The following ANKS1B variants were observed in gnomAD, a reference collection of about 807,000 sequenced individuals.
The protein encoded by ANKS1B is ankyrin repeat and sterile alpha motif domain containing 1B, also known as ankyrin repeat and sterile alpha motif domain-containing protein 1B.
A neutral mutation model predicts 148.3 loss-of-function variants in ANKS1B; 36 were observed. That is an observed-to-expected ratio of 0.24 (90% CI 0.19 to 0.32). The LOEUF is 0.32. ANKS1B is among the 10% of genes least tolerant of loss of function. The pLI, the probability that ANKS1B is intolerant of heterozygous loss-of-function variation, is 1.00. For missense variants in ANKS1B, 1,157 were observed against 1,542.6 expected, an observed-to-expected ratio of 0.75 and a Z score of 4.19; for synonymous variants, 542 against 560.8, an observed-to-expected ratio of 0.97 and a Z score of 0.47.
At chr12:99,612,803 T>TA (rs918335834) in intron 9 of ANKS1B, among the ~76,000 whole-genome samples, 4 of 152,192 alleles carry the variant, frequency 2.6e-5, no homozygotes, top group African/African-American at 7.2e-5. Context: ...TTGCGTAAGT[T>TA]AAAAAAACTG....
intron 15 of ANKS1B, among the ~76,000 whole-genome samples, chr12:99,102,933 C>G (rs4762558): frequency 0.85 from 129,174 of 151,582 alleles, 55,588 homozygotes; most frequent in East Asian, 1. Flanking sequence ...GTTTTGAAAA[C>G]ATAACGCTCA....
intron 17 of ANKS1B, among the ~76,000 whole-genome samples, chr12:98,845,035 C>A (rs967502949): frequency 3.3e-5 from 5 of 151,968 alleles, no homozygotes; most frequent in African/African-American, 1.2e-4. Flanking sequence ...TATGGCTGTG[C>A]CACAGTTCAA....
At chr12:99,796,382 AC>A (rs1179822967) in intron 4 of ANKS1B, among the ~76,000 whole-genome samples, 14 of 152,038 alleles carry the variant, frequency 9.2e-5, no homozygotes, top group African/African-American at 3.4e-4. Flanking sequence ...AGAAAACTAA[AC>A]ATCAGATAAA....
At chr12:98,839,822 T>C (rs1396103567) in intron 17 of ANKS1B, among the ~76,000 whole-genome samples, 1 of 152,218 alleles carries the variant, frequency 6.6e-6, no homozygotes, top group Non-Finnish European at 1.5e-5. Context: ...CTTGCTCACC[T>C]TGGATTACAT....
intron 11 of ANKS1B, among the ~76,000 whole-genome samples, chr12:99,442,253 C>T (rs953912461): frequency 3.3e-5 from 5 of 151,896 alleles, no homozygotes; most frequent in Non-Finnish European, 7.4e-5. Flanking sequence ...TGGTCTAGAA[C>T]TCCTGGGCTC....
chr12:99,064,901 T>G (rs923169400), intron 16 of ANKS1B, among the ~76,000 whole-genome samples: 3 of 152,234 alleles, frequency 2.0e-5, no homozygotes, highest in Admixed American at 2.0e-4. Flanking sequence ...TACCATCTTT[T>G]CATTTCTAAA....
chr12:98,852,656 G>C lies in ANKS1B; in HGVS notation c.2779-20520C>G, dbSNP rs2099536446. Among the ~76,000 whole-genome samples, 4 of 152,160 alleles carry C rather than the reference G, an allele frequency of 2.6e-5. 1 individual carries two copies. The South Asian group carries it at 8.3e-4, about 32-fold the overall frequency. On this transcript the variant is annotated intron_variant, in intron 17 of 26. Transcript: ENST00000683438. The stretch of plus-strand genomic sequence containing the variant: ...TTTGATATTGTTATCCCTGTTTACA[G>C]GTGGGGAAACTGGGGCTCAAGATGA...
At chr12:99,594,729 G>T (rs1452767985) in intron 9 of ANKS1B, among the ~76,000 whole-genome samples, 2 of 151,938 alleles carry the variant, frequency 1.3e-5, no homozygotes. Flanking sequence ...GGAAGAAATG[G>T]GGAGTTGCTA....
intron 8 of ANKS1B, among the ~76,000 whole-genome samples, chr12:99,679,398 C>T (rs1371849545): frequency 6.6e-6 from 1 of 152,154 alleles, no homozygotes; most frequent in African/African-American, 2.4e-5. Flanking sequence ...AACCTCCACC[C>T]CCAGGCTCAA....
intron 12 of ANKS1B, among the ~76,000 whole-genome samples, chr12:99,345,248 C>T (rs1592743880): frequency 1.3e-5 from 2 of 152,160 alleles, no homozygotes; most frequent in East Asian, 3.9e-4. Flanking sequence ...CGTCAGTGGA[C>T]AAGATCTAGA....
intron 12 of ANKS1B, among the ~76,000 whole-genome samples, chr12:99,315,125 C>G (rs1471087515): frequency 1.3e-5 from 2 of 151,836 alleles, no homozygotes; most frequent in Non-Finnish European, 2.9e-5. Context: ...TGCCTGTAGT[C>G]CCAGCTACTC....
At chr12:99,508,826 T>A (rs377578203) in intron 9 of ANKS1B, among the ~76,000 whole-genome samples, 1 of 151,906 alleles carries the variant, frequency 6.6e-6, no homozygotes, top group African/African-American at 2.4e-5. Flanking sequence ...TCCATATATA[T>A]GTCTATTCTA....
At chr12:99,523,854 T>C (rs1044662134) in intron 9 of ANKS1B, among the ~76,000 whole-genome samples, 9 of 152,198 alleles carry the variant, frequency 5.9e-5, no homozygotes, top group African/African-American at 2.2e-4. Context: ...ACCCAGCCTA[T>C]ACAAGGTATC....
intron 8 of ANKS1B, among the ~76,000 whole-genome samples, chr12:99,744,143 A>C (rs1367199380): frequency 1.3e-5 from 2 of 152,206 alleles, no homozygotes; most frequent in Non-Finnish European, 2.9e-5. Flanking sequence ...TATCTGGAAC[A>C]TACAGATTAA....
chr12:99,854,790 C>T (rs937033511), intron 1 of ANKS1B, among the ~76,000 whole-genome samples: 1 of 151,954 alleles, frequency 6.6e-6, no homozygotes, highest in African/African-American at 2.4e-5. Context: ...TTGCATCCAG[C>T]AAAAGTAAGC....
At chr12:99,644,700 T>G (rs947362732) in intron 9 of ANKS1B, among the ~76,000 whole-genome samples, 3 of 152,180 alleles carry the variant, frequency 2.0e-5, no homozygotes, top group Admixed American at 6.5e-5. Flanking sequence ...CATTACAAAT[T>G]ACCACAAACT....
intron 14 of ANKS1B, among the ~76,000 whole-genome samples, chr12:99,213,590 T>G (rs1353882696): frequency 1.3e-5 from 2 of 152,204 alleles, no homozygotes; most frequent in African/African-American, 4.8e-5. Flanking sequence ...GATGTGTATA[T>G]GGAGAGCGGG....
intron 16 of ANKS1B, among the ~76,000 whole-genome samples, chr12:99,065,613 T>TCCATCCATCCATCCATC: frequency 7.4e-6 from 1 of 135,502 alleles, no homozygotes; most frequent in East Asian, 2.8e-4. Flanking sequence ...CATCCATCCA[T>TCCATCCATCCATCCATC]CCATCCATCC....
At chr12:99,692,696 A>G (rs1410823104) in intron 8 of ANKS1B, among the ~76,000 whole-genome samples, 4 of 151,602 alleles carry the variant, frequency 2.6e-5, no homozygotes, top group African/African-American at 9.7e-5. Flanking sequence ...GAAAAGAAAA[A>G]GAAATGAATC....
Sources: gnomAD v4.1 joint callset for allele counts (sites outside exome capture counted in the v4.1 genomes callset) on GRCh38, gnomAD v4.1.1 for gene constraint, MANE v1.5 for transcripts, NCBI Gene and HGNC (gene_info 2026-07-23, HGNC 2026-07-21) for gene names.